The following EID3 variants were observed in gnomAD, a reference collection of about 807,000 sequenced individuals.
The protein encoded by EID3 is EP300 interacting inhibitor of differentiation 3.
Under a neutral mutation model 1.6 loss-of-function variants are expected in EID3, and 3 were observed. The observed-to-expected ratio is 1.87, with a 90% CI of 0.85 to 4.83. The LOEUF (loss-of-function observed/expected upper bound fraction) is 4.83, where lower values mean the gene tolerates loss of function less well. Ranked by LOEUF, EID3 falls within the 30% of genes most tolerant of loss-of-function variation. The probability of loss-of-function intolerance (pLI) is 0.02; values close to 1 mark genes in which losing one functional copy is unlikely to be tolerated. For synonymous variants in EID3, 164 were observed against 148.1 expected (o/e 1.11, Z -0.78); for missense variants, 471 against 409.9 (o/e 1.15, Z -1.29).
In EID3 at chr12:104,304,103, GA is replaced by G; in HGVS notation, c.170del (p.Asp57AlafsTer3). 6.2e-7 allele frequency: 1 copy of G among 1,614,042 alleles called. No homozygotes were observed. ...LMYCVRQNRE[D>X]IVSSANNSLT... ...GTACTGCGTGCGGCAGAACCGGGAG[GA>G]CATCGTGAGCTCGGCGAACAACTCC... is the stretch of plus-strand genomic sequence containing the variant. On this transcript the variant is annotated frameshift_variant, in exon 1 of 1. Coordinates refer to ENST00000527879, the MANE Select transcript of EID3 (RefSeq NM_001008394.3). LOFTEE classifies it low-confidence loss of function (END_TRUNC).
Position 104,304,725 on chromosome 12 carries a change from T to G in EID3, c.791T>G (p.Phe264Cys), listed in dbSNP as rs1216566142. ...GTGGAGAATATATTTTATGTTTCTT[T>G]TATTGTAAGAGATGGTTTTGCAAGA... is the stretch of plus-strand genomic sequence containing the variant. ...RTVENIFYVS[F>C]IVRDGFARIR... Residue 264 changes from phenylalanine (F) to cysteine (C), a missense_variant, in exon 1 of 1, where the codon TTT becomes TGT. Phe to Cys is a radical substitution (Grantham distance 205, BLOSUM62 -2). Coordinates refer to ENST00000527879, the MANE Select transcript of EID3 (RefSeq NM_001008394.3). The G allele has an allele frequency of 1.2e-6, 2 of 1,613,670 alleles. No individual in the cohort carries two copies. Among genetic ancestry groups the G allele is most frequent in the South Asian group, 2.2e-5 (2 of 91,018 alleles).
At position 104,304,076 on chromosome 12, in the gene EID3, A is replaced by G. The variant is rs1414055603; in HGVS notation, c.142A>G (p.Met48Val). ...CATCCGCAGGCAGTACCGGCAGCTC[A>G]TGTACTGCGTGCGGCAGAACCGGGA... ...RSIRRQYRQL[M>V]YCVRQNREDI... Residue 48 changes from methionine to valine, a missense_variant, in exon 1 of 1, where the codon ATG (methionine) becomes GTG (valine). Met to Val is a conservative substitution (Grantham distance 21). Coordinates refer to ENST00000527879, the MANE Select transcript of EID3 (RefSeq NM_001008394.3). The G allele has an allele frequency of 3.7e-6, 6 of 1,613,944 alleles. No homozygotes were observed. The South Asian group carries it at 5.5e-5, about 15-fold the overall frequency.
In EID3 at chr12:104,304,805, A is replaced by G. The variant is rs763558119; in HGVS notation, c.871A>G (p.Met291Val). 2.5e-6 allele frequency: 4 copies of G among 1,614,022 alleles called. No homozygotes were observed. The highest frequency in any genetic ancestry group is 2.7e-5 in the African/African-American group (2 of 75,056). ...PILEPMNVNQ[M>V]GEGNDSSCHG... ...ATTAGAGCCGATGAATGTTAACCAA[A>G]TGGGTGAGGGAAATGATTCCAGTTG... Residue 291 changes from methionine to valine, a missense_variant, in exon 1 of 1, where the codon ATG becomes GTG. Met to Val is a conservative substitution (Grantham distance 21, BLOSUM62 1). Transcript: ENST00000527879.
Position 104,304,969 on chromosome 12 carries a change from T to C in EID3, c.*33T>C. The C allele has an allele frequency of 6.5e-7, 1 of 1,532,178 alleles. No homozygotes were observed. The highest frequency in any genetic ancestry group is 8.7e-7 in the Non-Finnish European group (1 of 1,144,764). The allele number at this position is 1,532,178 out of a possible 1,614,324, so 94.9% of individuals were successfully genotyped here. On this transcript the variant is annotated 3_prime_UTR_variant, in exon 1 of 1. Coordinates refer to ENST00000527879, the MANE Select transcript of EID3 (RefSeq NM_001008394.3). ...TTAGTATAGCATCCTTTTTGTGTTT[T>C]TTTTCTGAAGTTAGATGGAGAGTAA...
chr12:104,304,102 G>A lies in EID3; in HGVS notation c.168G>A (p.Glu56=). The part of the protein sequence containing the change: ...QLMYCVRQNR[E]DIVSSANNSL... The stretch of plus-strand genomic sequence containing the variant: ...TGTACTGCGTGCGGCAGAACCGGGA[G>A]GACATCGTGAGCTCGGCGAACAACT... Residue 56 remains glutamate (E), a synonymous_variant, in exon 1 of 1, where the codon GAG becomes GAA. Transcript: ENST00000527879. 6.2e-7 allele frequency: 1 copy of A among 1,614,042 alleles called. No homozygotes were observed. Among genetic ancestry groups the A allele is most frequent in the Non-Finnish European group, 8.5e-7 (1 of 1,179,902 alleles).
rs189094565 is a variant in EID3 at position 104,305,017 on chromosome 12, G to C, written c.*81G>C. ...TAAAATGTAAACTGAAGCACATATT[G>C]TATCTCTTGTAAAGTGAAAAAGTAT... is the stretch of plus-strand genomic sequence containing the variant. On this transcript the variant is annotated 3_prime_UTR_variant, in exon 1 of 1. Coordinates refer to ENST00000527879, the MANE Select transcript of EID3 (RefSeq NM_001008394.3). The C allele has an allele frequency of 2.9e-6, 4 of 1,359,412 alleles. No individual in the cohort carries two copies. Among genetic ancestry groups the C allele is most frequent in the Non-Finnish European group, 2.0e-6 (2 of 1,010,702 alleles). The allele number at this position is 1,359,412 out of a possible 1,614,324, so 84.2% of individuals were successfully genotyped here.
rs2034760110 is a variant in EID3 at position 104,303,960 on chromosome 12, C to T, written c.26C>T (p.Ala9Val). 6.2e-7 allele frequency: 1 copy of T among 1,601,626 alleles called. No individual in the cohort carries two copies. Among genetic ancestry groups the T allele is most frequent in the Non-Finnish European group, 8.5e-7 (1 of 1,178,436 alleles). The change falls in exon 1 of 1, where the codon GCC (alanine) becomes GTC (valine). Residue 9 changes from alanine (A) to valine (V), a missense_variant. Ala to Val is a moderately conservative substitution (Grantham distance 64, BLOSUM62 0). Transcript: ENST00000527879. ...ATGAAGATGGATGTGTCAGTGAGGG[C>T]CGCGGGCTGCTCCGACGACCTCAGC... is the stretch of plus-strand genomic sequence containing the variant. Reference protein sequence around the residue: MKMDVSVRAAGCSDDLSSG... With the variant: MKMDVSVRVAGCSDDLSSG...
chr12:104,303,886 C>A lies in EID3; in HGVS notation c.-49C>A. 1.3e-6 allele frequency: 2 copies of A among 1,523,122 alleles called. No individual in the cohort carries two copies. The highest frequency in any genetic ancestry group is 1.8e-6 in the Non-Finnish European group (2 of 1,142,718). 94.4% of individuals were successfully genotyped at this position (1,523,122 alleles called of 1,614,324 possible). A position where few individuals can be genotyped will look rare whatever the true frequency, so the allele number is the denominator to read the frequency against. On this transcript the variant is annotated 5_prime_UTR_variant, in exon 1 of 1. Coordinates refer to ENST00000527879, the MANE Select transcript of EID3 (RefSeq NM_001008394.3). ...AAGGAGAGGAGCAGCTCGTGATCAT[C>A]CCCGGTAGCGAGTACGCGGCGAAGT... is the stretch of plus-strand genomic sequence containing the variant.
Position 104,304,184 on chromosome 12 carries a change from A to C in EID3, c.250A>C (p.Arg84=). The C allele has an allele frequency of 6.2e-7, 1 of 1,614,096 alleles. No individual in the cohort carries two copies. Among genetic ancestry groups the C allele is most frequent in the Non-Finnish European group, 8.5e-7 (1 of 1,179,906 alleles). ...NVLFDGVSRT[R]EAALDARFLV... ...CCTCTTTGATGGCGTGAGCCGAACC[A>C]GAGAAGCAGCCCTCGACGCCCGGTT... is the stretch of plus-strand genomic sequence containing the variant. The change falls in exon 1 of 1, where the codon AGA becomes CGA. Residue 84 remains arginine, a synonymous_variant. Coordinates refer to ENST00000527879, the MANE Select transcript of EID3 (RefSeq NM_001008394.3).
At position 104,304,306 on chromosome 12, in the gene EID3, T is replaced by G; in HGVS notation, c.372T>G (p.Phe124Leu). 3 of 1,614,076 alleles carry G rather than the reference T, an allele frequency of 1.9e-6. No homozygotes were observed. The highest frequency in any genetic ancestry group is 2.5e-6 in the Non-Finnish European group (3 of 1,179,912). ...FNQLAFCDFL[F>L]LFVGLNWMEG... Reference sequence around the variant, plus strand: ...AGTTAGCATTTTGTGACTTTCTGTTTCTGTTCGTGGGTCTGAATTGGATGG... The same window carrying G: ...AGTTAGCATTTTGTGACTTTCTGTTGCTGTTCGTGGGTCTGAATTGGATGG... Residue 124 changes from phenylalanine to leucine, a missense_variant, in exon 1 of 1, where the codon TTT (phenylalanine) becomes TTG (leucine). Transcript: ENST00000527879.
chr12:104,304,818 A>C lies in EID3; in HGVS notation c.884A>C (p.Asn295Thr), dbSNP rs1269358729. Reference protein sequence around the residue: ...PMNVNQMGEGNDSSCHGRKQG... With the variant: ...PMNVNQMGEGTDSSCHGRKQG... ...AATGTTAACCAAATGGGTGAGGGAA[A>C]TGATTCCAGTTGCCATGGCAGGAAA... is the stretch of plus-strand genomic sequence containing the variant. The change falls in exon 1 of 1, where the codon AAT becomes ACT. Residue 295 changes from asparagine to threonine, a missense_variant. Physicochemically the swap from Asn to Thr is moderately conservative, Grantham distance 65. Transcript: ENST00000527879. 2 of 1,614,022 alleles carry C rather than the reference A, an allele frequency of 1.2e-6. No homozygotes were observed. Among genetic ancestry groups the C allele is most frequent in the Admixed American group, 3.3e-5 (2 of 60,026 alleles).
chr12:104,305,097 A>G lies in EID3; in HGVS notation c.*161A>G, dbSNP rs2034843261. 2.7e-6 allele frequency: 2 copies of G among 744,396 alleles called. No homozygotes were observed. Among genetic ancestry groups the G allele is most frequent in the African/African-American group, 1.8e-5 (1 of 55,108 alleles). 46.1% of individuals were successfully genotyped at this position (744,396 alleles called of 1,614,324 possible). ...TGCAGCATATTTTTCTTAGTAATTT[A>G]TAAGGTCATGATCTTCTGTTATTAA... On this transcript the variant is annotated 3_prime_UTR_variant, in exon 1 of 1. Transcript: ENST00000527879.
In EID3 at chr12:104,303,766, C is replaced by T; in HGVS notation, c.-169C>T. On this transcript the variant is annotated 5_prime_UTR_variant, in exon 1 of 1. Transcript: ENST00000527879. Reference sequence around the variant, plus strand: ...GGGCGGGCGTCCTCGGCTCTAACTGCCGCCACTTTCCACACGCTGGGAGGG... The same window carrying T: ...GGGCGGGCGTCCTCGGCTCTAACTGTCGCCACTTTCCACACGCTGGGAGGG... 12 of 1,173,208 alleles carry T rather than the reference C, an allele frequency of 1.0e-5. No homozygotes were observed. Among genetic ancestry groups the T allele is most frequent in the South Asian group, 3.4e-5 (2 of 58,982 alleles). 72.7% of individuals were successfully genotyped at this position (1,173,208 alleles called of 1,614,324 possible). A position where few individuals can be genotyped will look rare whatever the true frequency, so the allele number is the denominator to read the frequency against.
chr12:104,304,809 G>C lies in EID3; in HGVS notation c.875G>C (p.Gly292Ala). 2 of 1,614,050 alleles carry C rather than the reference G, an allele frequency of 1.2e-6. No homozygotes were observed. The highest frequency in any genetic ancestry group is 1.7e-6 in the Non-Finnish European group (2 of 1,179,900). Reference protein sequence around the residue: ...ILEPMNVNQMGEGNDSSCHGR... With the variant: ...ILEPMNVNQMAEGNDSSCHGR... ...GAGCCGATGAATGTTAACCAAATGG[G>C]TGAGGGAAATGATTCCAGTTGCCAT... The change falls in exon 1 of 1, where the codon GGT (glycine) becomes GCT (alanine). Residue 292 changes from glycine (G) to alanine (A), a missense_variant. Transcript: ENST00000527879.
Position 104,305,060 on chromosome 12 carries a change from ATTGT to A in EID3, c.*127_*130del. On this transcript the variant is annotated 3_prime_UTR_variant, in exon 1 of 1. Transcript: ENST00000527879. ...AAAAGTATTTTCAAGAACATCAGAC[ATTGT>A]TTTACTGTGCAGCATATTTTTCTTA... The A allele has an allele frequency of 1.9e-6, 2 of 1,036,420 alleles. No homozygotes were observed. Among genetic ancestry groups the A allele is most frequent in the Non-Finnish European group, 2.7e-6 (2 of 737,332 alleles). The allele number at this position is 1,036,420 out of a possible 1,614,324, so 64.2% of individuals were successfully genotyped here.
Position 104,304,307 on chromosome 12 carries a change from C to G in EID3, c.373C>G (p.Leu125Val), listed in dbSNP as rs2034787291. 2 of 1,614,008 alleles carry G rather than the reference C, an allele frequency of 1.2e-6. No homozygotes were observed. The highest frequency in any genetic ancestry group is 1.7e-5 in the Admixed American group (1 of 60,024). Residue 125 changes from leucine to valine, a missense_variant, in exon 1 of 1, where the codon CTG becomes GTG. By Grantham distance (32) the Leu-to-Val change is conservative. Transcript: ENST00000527879. ...GTTAGCATTTTGTGACTTTCTGTTT[C>G]TGTTCGTGGGTCTGAATTGGATGGA... is the stretch of plus-strand genomic sequence containing the variant. The part of the protein sequence containing the change: ...NQLAFCDFLF[L>V]FVGLNWMEGD...
Position 104,304,971 on chromosome 12 carries a change from T to C in EID3, c.*35T>C, listed in dbSNP as rs751372684. ...AGTATAGCATCCTTTTTGTGTTTTTTTTCTGAAGTTAGATGGAGAGTAAAA... is the reference window on the plus strand; with the variant it reads ...AGTATAGCATCCTTTTTGTGTTTTTCTTCTGAAGTTAGATGGAGAGTAAAA... On this transcript the variant is annotated 3_prime_UTR_variant, in exon 1 of 1. Coordinates refer to ENST00000527879, the MANE Select transcript of EID3 (RefSeq NM_001008394.3). 2.7e-5 allele frequency: 42 copies of C among 1,529,670 alleles called. No homozygotes were observed. Among genetic ancestry groups the C allele is most frequent in the Non-Finnish European group, 3.1e-5 (36 of 1,143,470 alleles). The allele number at this position is 1,529,670 out of a possible 1,614,324, so 94.8% of individuals were successfully genotyped here.
chr12:104,304,396 A>G lies in EID3; in HGVS notation c.462A>G (p.Ile154Met), dbSNP rs751468382. The G allele has an allele frequency of 1.2e-6, 2 of 1,614,068 alleles. No individual in the cohort carries two copies. The highest frequency in any genetic ancestry group is 1.7e-6 in the Non-Finnish European group (2 of 1,179,906). The change falls in exon 1 of 1, where the codon ATA becomes ATG. Residue 154 changes from isoleucine (I) to methionine (M), a missense_variant. Transcript: ENST00000527879. The stretch of plus-strand genomic sequence containing the variant: ...TAGCTCTTTCCTTCTGGAAGGCAAT[A>G]GAAAAGGAAGCAACATCCTGGATGG... ...DSIALSFWKA[I>M]EKEATSWMVK...
chr12:104,304,276 T>C lies in EID3; in HGVS notation c.342T>C (p.Phe114=). Residue 114 remains phenylalanine, a synonymous_variant, in exon 1 of 1, where the codon TTT becomes TTC. Coordinates refer to ENST00000527879, the MANE Select transcript of EID3 (RefSeq NM_001008394.3). ...AGTTAAACTCAGATATGAACTTCTT[T>C]AATCAGTTAGCATTTTGTGACTTTC... ...AKQLNSDMNF[F]NQLAFCDFLF... 1 of 1,614,080 alleles carries C rather than the reference T, an allele frequency of 6.2e-7. No homozygotes were observed. The highest frequency in any genetic ancestry group is 8.5e-7 in the Non-Finnish European group (1 of 1,179,908).
Sources: gnomAD v4.1 joint callset for allele counts on GRCh38, gnomAD v4.1.1 for gene constraint, MANE v1.5 for transcripts, NCBI Gene and HGNC (gene_info 2026-07-23, HGNC 2026-07-21) for gene names.